EIF4EBP2: variants seen among roughly 807,000 people sequenced by gnomAD.
EIF4EBP2 encodes eukaryotic translation initiation factor 4E binding protein 2.
In EIF4EBP2, 5 loss-of-function variants were observed where a neutral mutation model predicts 10.3. That is an observed-to-expected ratio of 0.48 (90% CI 0.25 to 1.02). The LOEUF (loss-of-function observed/expected upper bound fraction) is 1.02, where lower values mean the gene tolerates loss of function less well. Among genes scored for constraint, EIF4EBP2 ranks in the 50% least tolerant of loss-of-function variants. The pLI, the probability that EIF4EBP2 is intolerant of heterozygous loss-of-function variation, is 0.15. For missense variants in EIF4EBP2, 188 were observed against 162.2 expected, an observed-to-expected ratio of 1.16 and a Z score of -0.86; for synonymous variants, 67 against 61.1, an observed-to-expected ratio of 1.10 and a Z score of -0.45.
At chr10:70,415,877 A>G (rs1210900643) in intron 1 of EIF4EBP2, among the ~76,000 whole-genome samples, 1 of 152,120 alleles carries the variant, frequency 6.6e-6, no homozygotes, top group Admixed American at 6.5e-5. Context: ...ACAAAAGAAA[A>G]AAAAAAAAAC....
At chr10:70,404,634 C>T (rs1844949624) in intron 1 of EIF4EBP2, 88 bp downstream of exon 1, 2 of 1,387,954 alleles carry the variant, frequency 1.4e-6, no homozygotes. Context: ...CGCTTCGCCC[C>T]CGCCCCCAGC....
At chr10:70,405,999 T>C (rs1320049366) in intron 1 of EIF4EBP2, among the ~76,000 whole-genome samples, 3 of 152,192 alleles carry the variant, frequency 2.0e-5, no homozygotes, top group Admixed American at 6.5e-5. Flanking sequence ...TGTTTGAGCA[T>C]GGTACAGGGT....
intron 2 of EIF4EBP2, among the ~76,000 whole-genome samples, chr10:70,420,628 AAAG>A (rs1362902231): frequency 1.3e-5 from 2 of 152,208 alleles, no homozygotes; most frequent in Non-Finnish European, 2.9e-5. Flanking sequence ...TGGTGGGAGA[AAAG>A]AATCCAGAAT....
At position 70,425,304 on chromosome 10, in the gene EIF4EBP2, T is replaced by G. The variant is rs1359861726; in HGVS notation, c.*3557T>G. On this transcript the variant is annotated 3_prime_UTR_variant, in exon 3 of 3. Coordinates refer to ENST00000373218, the MANE Select transcript of EIF4EBP2 (RefSeq NM_004096.5). Reference sequence around the variant, plus strand: ...GTCTTGGAAAGGACACACCGTCACTTCTTATCCTAGTTGTTAGAAGCAAGC... The same window carrying G: ...GTCTTGGAAAGGACACACCGTCACTGCTTATCCTAGTTGTTAGAAGCAAGC... 6.6e-6 allele frequency: 1 copy of G among 152,236 alleles called. No individual in the cohort carries two copies. Among genetic ancestry groups the G allele is most frequent in the African/African-American group, 2.4e-5 (1 of 41,456 alleles). 9.4% of individuals were successfully genotyped at this position (152,236 alleles called of 1,614,324 possible). A position where few individuals can be genotyped will look rare whatever the true frequency, so the allele number is the denominator to read the frequency against.
intron 1 of EIF4EBP2, among the ~76,000 whole-genome samples, chr10:70,404,749 T>C (rs1375200132): frequency 6.6e-6 from 1 of 152,182 alleles, no homozygotes; most frequent in Non-Finnish European, 1.5e-5. Context: ...CGCGCCCCAC[T>C]CGGGAATGTG....
intron 1 of EIF4EBP2, among the ~76,000 whole-genome samples, chr10:70,417,604 C>T (rs1023506115): frequency 2.6e-5 from 4 of 152,180 alleles, no homozygotes; most frequent in Admixed American, 2.0e-4. Flanking sequence ...TCTCCACTAC[C>T]TATATCCTAG....
chr10:70,420,994 A>C (rs1436240797), intron 2 of EIF4EBP2, among the ~76,000 whole-genome samples: 1 of 151,842 alleles, frequency 6.6e-6, no homozygotes, highest in African/African-American at 2.4e-5. Flanking sequence ...ACGGGGTTTC[A>C]CCATGTTAGC....
chr10:70,421,821 C>G lies in EIF4EBP2; in HGVS notation c.*74C>G. On this transcript the variant is annotated 3_prime_UTR_variant, in exon 3 of 3. Transcript: ENST00000373218. Reference sequence around the variant, plus strand: ...CACCTGATTTGGCCAATAGGATCAACAGTGAAAAGACAGAAGAGGCAATAC... The same window carrying G: ...CACCTGATTTGGCCAATAGGATCAAGAGTGAAAAGACAGAAGAGGCAATAC... 6.9e-7 allele frequency: 1 copy of G among 1,455,420 alleles called. No individual in the cohort carries two copies. Among genetic ancestry groups the G allele is most frequent in the African/African-American group, 1.4e-5 (1 of 71,508 alleles). The allele number at this position is 1,455,420 out of a possible 1,614,324, so 90.2% of individuals were successfully genotyped here. A position where few individuals can be genotyped will look rare whatever the true frequency, so the allele number is the denominator to read the frequency against.
intron 1 of EIF4EBP2, among the ~76,000 whole-genome samples, chr10:70,411,593 A>G (rs1845045386): frequency 6.6e-6 from 1 of 152,138 alleles, no homozygotes; most frequent in South Asian, 2.1e-4. Flanking sequence ...GCCTCCTGGG[A>G]TCATAGGAGT....
intron 1 of EIF4EBP2, among the ~76,000 whole-genome samples, chr10:70,413,474 T>G (rs1036264346): frequency 3.3e-5 from 5 of 151,816 alleles, no homozygotes; most frequent in African/African-American, 1.2e-4. Flanking sequence ...AAATATAAAA[T>G]TAGTTGGACT....
Position 70,404,406 on chromosome 10 carries a change from C to T in EIF4EBP2, c.5C>T (p.Ser2Phe), listed in dbSNP as rs1009525151. 1.9e-6 allele frequency: 3 copies of T among 1,583,308 alleles called. No homozygotes were observed. Among genetic ancestry groups the T allele is most frequent in the South Asian group, 1.1e-5 (1 of 88,090 alleles). ...CGAGAGCCCGCGCCCACAGCCATGT[C>T]CTCGTCAGCCGGCAGCGGCCACCAG... M[S>F]SSAGSGHQPS... is the part of the protein sequence containing the mutation. The change falls in exon 1 of 3, where the codon TCC becomes TTC. Residue 2 changes from serine (S) to phenylalanine (F), a missense_variant. Ser to Phe is a radical substitution (Grantham distance 155). Coordinates refer to ENST00000373218, the MANE Select transcript of EIF4EBP2 (RefSeq NM_004096.5).
intron 1 of EIF4EBP2, among the ~76,000 whole-genome samples, chr10:70,405,669 C>T (rs528478832): frequency 6.6e-6 from 1 of 152,310 alleles, no homozygotes; most frequent in Non-Finnish European, 1.5e-5. Context: ...AGCTGTACTA[C>T]AACCAATCCG....
intron 1 of EIF4EBP2, among the ~76,000 whole-genome samples, chr10:70,413,565 G>A (rs1845064415): frequency 7.4e-6 from 1 of 135,678 alleles, no homozygotes; most frequent in Admixed American, 8.4e-5. Context: ...CCGTGATCAT[G>A]CCACTGCACT....
chr10:70,415,868 CAAAAG>C lies in EIF4EBP2; in HGVS notation c.146-4041_146-4037del, dbSNP rs575865470. Among the ~76,000 whole-genome samples, 584 of 136,514 alleles carry C rather than the reference CAAAAG, an allele frequency of 4.3e-3. 3 individuals carry two copies. Among genetic ancestry groups the C allele is most frequent in the African/African-American group, 0.015 (565 of 36,876 alleles). The allele number at this position is 136,514 out of a possible 152,430, so 89.6% of individuals were successfully genotyped here. On this transcript the variant is annotated intron_variant, in intron 1 of 2. Transcript: ENST00000373218. ...TGAGATATGACTCCAAAAGCACAAA[CAAAAG>C]AAAAAAAAAAAAACATACATTGGAC...
intron 1 of EIF4EBP2, among the ~76,000 whole-genome samples, chr10:70,406,972 A>G (rs982077361): frequency 3.9e-5 from 6 of 152,108 alleles, no homozygotes; most frequent in Non-Finnish European, 8.8e-5. Flanking sequence ...ATCTCGGCTC[A>G]CTGCAAGCTC....
chr10:70,405,108 G>T (rs1589144582), intron 1 of EIF4EBP2, among the ~76,000 whole-genome samples: 1 of 152,296 alleles, frequency 6.6e-6, no homozygotes, highest in East Asian at 1.9e-4. Flanking sequence ...GCTGGACGAG[G>T]CCCCACGGGT....
At chr10:70,412,065 A>T (rs962987109) in intron 1 of EIF4EBP2, among the ~76,000 whole-genome samples, 1 of 152,160 alleles carries the variant, frequency 6.6e-6, no homozygotes, top group African/African-American at 2.4e-5. Context: ...ACAGCTCTTA[A>T]GTCAGTCATA....
intron 1 of EIF4EBP2, among the ~76,000 whole-genome samples, chr10:70,404,768 G>T (rs1844951401): frequency 6.6e-6 from 1 of 152,324 alleles, no homozygotes; most frequent in African/African-American, 2.4e-5. Flanking sequence ...TGGCTGTCCT[G>T]TCGCGAAAAA....
intron 1 of EIF4EBP2, 100 bp downstream of exon 1, chr10:70,404,646 C>T (rs926552017): frequency 2.5e-5 from 34 of 1,362,456 alleles, no homozygotes; most frequent in African/African-American, 3.1e-5. Context: ...GCCCCCAGCT[C>T]CACCGAAGCC....
Sources: allele counts gnomAD v4.1 joint callset (sites outside exome capture counted in the v4.1 genomes callset), GRCh38; gene constraint gnomAD v4.1.1; transcripts MANE v1.5; gene names NCBI Gene and HGNC (gene_info 2026-07-23, HGNC 2026-07-21).